Variants in ALG13 observed in about 807,000 individuals in gnomAD.
ALG13 encodes ALG13 UDP-N-acetylglucosaminyltransferase subunit.
Under a neutral mutation model 87.8 loss-of-function variants are expected in ALG13, and 11 were observed. The observed-to-expected ratio is 0.13, with a 90% confidence interval of 0.08 to 0.21. The LOEUF is 0.21. Ranked by LOEUF, ALG13 falls within the 10% of genes least tolerant of loss-of-function variation. The pLI is 1.00. For missense variants in ALG13, 756 were observed against 866.1 expected, an observed-to-expected ratio of 0.87 and a Z score of 1.60; for synonymous variants, 320 against 306.3, an observed-to-expected ratio of 1.04 and a Z score of -0.47.
At chrX:111,689,677 C>T in intron 3 of ALG13, 1 of 717,435 alleles carries the variant, frequency 1.4e-6, no homozygotes, top group Non-Finnish European at 1.7e-6. Context: ...CCAATTCCAT[C>T]ATATTCAGAT....
chrX:111,681,685 G>A, intron 1 of ALG13: 1 of 849,172 alleles, frequency 1.2e-6, no homozygotes, highest in Non-Finnish European at 1.4e-6. Context: ...CCTGTGGACC[G>A]CACGTCGGCG....
chrX:111,701,868 A>G (rs1450730409), intron 3 of ALG13, among the ~76,000 whole-genome samples: 1 of 109,033 alleles, frequency 9.2e-6, no homozygotes, highest in African/African-American at 3.3e-5. Context: ...TTGTGTTTCC[A>G]TTTTCATTTG....
chrX:111,689,015 TC>T (rs899837481), intron 3 of ALG13: 40 of 733,905 alleles, frequency 5.5e-5, no homozygotes, highest in Non-Finnish European at 6.3e-5. Context: ...TGCTAAATGT[TC>T]CAAACATTTT....
At chrX:111,726,121 A>T (rs1008550217) in intron 15 of ALG13, among the ~76,000 whole-genome samples, 2 of 100,505 alleles carry the variant, frequency 2.0e-5, no homozygotes, top group Admixed American at 1.1e-4. Context: ...TTTTTTTTGT[A>T]TTTTTAGTAG....
Position 111,726,875 on chromosome X carries a change from A to G in ALG13, c.1796A>G (p.Tyr599Cys), listed in dbSNP as rs778132775. ...AAGAAAATTCGAGGGAAAGAAGTTT[A>G]CATGACTATGGCTTACGGCAAGGGA... is the stretch of plus-strand genomic sequence containing the variant. ...MFKKIRGKEV[Y>C]MTMAYGKGDP... Residue 599 changes from tyrosine to cysteine, a missense_variant, in exon 16 of 27, where the codon TAC (tyrosine) becomes TGC (cysteine). This residue lies in a region of ALG13 where 362 missense variants were observed against 383.5 expected (regional missense o/e 0.94). Transcript: ENST00000394780. 1 of 1,211,422 alleles carries G rather than the reference A, an allele frequency of 8.3e-7. No homozygotes were observed. Among genetic ancestry groups the G allele is most frequent in the South Asian group, 1.8e-5 (1 of 56,967 alleles).
intron 3 of ALG13, among the ~76,000 whole-genome samples, chrX:111,700,038 GTTT>G (rs779900750): frequency 8.8e-4 from 69 of 78,757 alleles, no homozygotes; most frequent in African/African-American, 2.8e-3. Flanking sequence ...TTATTTGTGG[GTTT>G]TTTTTTTTTT....
At chrX:111,747,755 G>A (rs186738114) in intron 24 of ALG13, among the ~76,000 whole-genome samples, 1 of 112,204 alleles carries the variant, frequency 8.9e-6, no homozygotes, top group Non-Finnish European at 1.9e-5. Flanking sequence ...GAAGTGCTGG[G>A]ACTACAGGTG....
At chrX:111,731,901 G>A (rs1942734306) in intron 21 of ALG13, among the ~76,000 whole-genome samples, 1 of 111,918 alleles carries the variant, frequency 8.9e-6, no homozygotes, top group African/African-American at 3.3e-5. Flanking sequence ...TGAAGTGCAA[G>A]GATTTACTAG....
Position 111,760,234 on chromosome X carries a change from T to G in ALG13, c.*235T>G, listed in dbSNP as rs1484232448. ...ACAACTAGCCCCATATTGAGCATAC[T>G]TCATTGTATTCAGCTGTTTTCCTGT... is the stretch of plus-strand genomic sequence containing the variant. On this transcript the variant is annotated 3_prime_UTR_variant, in exon 27 of 27. Transcript: ENST00000394780. The G allele has an allele frequency of 3.7e-5, 13 of 355,296 alleles. No homozygotes were observed. The highest frequency in any genetic ancestry group is 5.7e-5 in the Non-Finnish European group (12 of 209,622). The allele number at this position is 355,296 out of a possible 1,213,427, so 29.3% of individuals were successfully genotyped here.
intron 26 of ALG13, among the ~76,000 whole-genome samples, chrX:111,758,901 C>T (rs1453066678): frequency 9.0e-6 from 1 of 111,471 alleles, no homozygotes; most frequent in Non-Finnish European, 1.9e-5. Flanking sequence ...GGAGTTCGTA[C>T]CTGACTTGCC....
At chrX:111,728,141 C>T (rs1316950115) in intron 18 of ALG13, 44 bp from the exon 19 acceptor site, 2 of 1,206,401 alleles carry the variant, frequency 1.7e-6, no homozygotes, top group Non-Finnish European at 2.2e-6. Flanking sequence ...TTTTTTCTGA[C>T]TATATAGTGA....
chrX:111,747,815 AC>A (rs765577370), intron 24 of ALG13, among the ~76,000 whole-genome samples: 10 of 112,133 alleles, frequency 8.9e-5, no homozygotes, highest in African/African-American at 3.2e-4. Context: ...TTGGGTAAAC[AC>A]CAAGGATTAC....
intron 25 of ALG13, among the ~76,000 whole-genome samples, chrX:111,754,116 A>G (rs920021094): frequency 8.9e-6 from 1 of 112,010 alleles, no homozygotes; most frequent in Non-Finnish European, 1.9e-5. Context: ...AGGGTGGTTC[A>G]ACATATGCAA....
intron 5 of ALG13, among the ~76,000 whole-genome samples, chrX:111,709,581 C>T (rs887662754): frequency 3.6e-5 from 4 of 111,660 alleles, no homozygotes; most frequent in African/African-American, 9.8e-5. Context: ...ATAATTAGAG[C>T]TCTGCCACTA....
chrX:111,710,450 T>G (rs1321141971), intron 5 of ALG13, among the ~76,000 whole-genome samples: 1 of 111,823 alleles, frequency 8.9e-6, no homozygotes, highest in Admixed American at 9.5e-5. Context: ...CTCAATTCAG[T>G]ACTGAGTGAT....
intron 12 of ALG13, among the ~76,000 whole-genome samples, 191 bp downstream of exon 12, chrX:111,721,902 C>T (rs1166847678): frequency 9.0e-6 from 1 of 111,303 alleles, no homozygotes; most frequent in Non-Finnish European, 1.9e-5. Context: ...TCTTTTAAAG[C>T]CTGATGTTTG....
At chrX:111,713,129 G>C (rs1474434706) in intron 7 of ALG13, 96 bp from the exon 8 acceptor site, 1 of 529,036 alleles carries the variant, frequency 1.9e-6, no homozygotes, top group Non-Finnish European at 3.2e-6. Flanking sequence ...ATATGAATAA[G>C]GTAGGCAACT....
At chrX:111,681,925 G>A (rs1248123598) in intron 1 of ALG13, 2 of 899,622 alleles carry the variant, frequency 2.2e-6, no homozygotes, top group Non-Finnish European at 2.8e-6. Context: ...TGCGAGCTGG[G>A]TCGCTTAGAT....
chrX:111,718,378 A>G, intron 10 of ALG13, 104 bp downstream of exon 10: 1 of 647,926 alleles, frequency 1.5e-6, no homozygotes. Flanking sequence ...TAGGTTACAT[A>G]TTCACACGTA....
Sources: gnomAD v4.1 joint callset for allele counts (sites outside exome capture counted in the v4.1 genomes callset) on GRCh38, gnomAD v4.1.1 for gene constraint, gnomAD v4.1.1 regional missense constraint, MANE v1.5 for transcripts, NCBI Gene and HGNC (gene_info 2026-07-23, HGNC 2026-07-21) for gene names.